Variants in CDH13 observed in about 807,000 individuals in gnomAD.
CDH13 encodes the protein cadherin-13.
In CDH13, 24 loss-of-function variants were observed where a neutral mutation model predicts 63.8. That is an observed-to-expected ratio of 0.38 (90% CI 0.27 to 0.53). The LOEUF is 0.53. CDH13 is among the 20% of genes least tolerant of loss of function. The probability of loss-of-function intolerance (pLI) is 0.85; values close to 1 mark genes in which losing one functional copy is unlikely to be tolerated. For synonymous variants in CDH13, 503 were observed against 355.3 expected (o/e 1.42, Z -4.67); for missense variants, 1,049 against 903.1 (o/e 1.16, Z -2.07).
chr16:83,216,832 A>G (rs2039549550), intron 4 of CDH13, among the ~76,000 whole-genome samples: 1 of 151,206 alleles, frequency 6.6e-6, no homozygotes, highest in South Asian at 2.1e-4. Context: ...ATATATGTAT[A>G]TGTATAAACC....
chr16:82,678,350 A>G (rs1407618507), intron 1 of CDH13, among the ~76,000 whole-genome samples: 2 of 149,712 alleles, frequency 1.3e-5, no homozygotes, highest in Admixed American at 6.7e-5. Flanking sequence ...TGAAAGCTCA[A>G]TTTTTACTAC....
intron 5 of CDH13, among the ~76,000 whole-genome samples, chr16:83,279,766 G>A (rs528452381): frequency 2.0e-5 from 3 of 152,026 alleles, no homozygotes; most frequent in Admixed American, 6.5e-5. Flanking sequence ...GATAATATAG[G>A]CGTAGCTCAG....
At chr16:83,778,758 C>T (rs951022127) in intron 11 of CDH13, among the ~76,000 whole-genome samples, 3 of 152,132 alleles carry the variant, frequency 2.0e-5, no homozygotes, top group East Asian at 1.9e-4. Flanking sequence ...TCTGTCCTGT[C>T]CAGCAGGGTC....
chr16:82,710,553 ATATAT>A (rs1205076151), intron 1 of CDH13, among the ~76,000 whole-genome samples: 1,341 of 46,652 alleles, frequency 0.029, 17 homozygotes, highest in Non-Finnish European at 0.036. Flanking sequence ...AAAAAAAAAA[ATATAT>A]ATATATATAT....
At chr16:83,517,603 G>T (rs898134758) in intron 7 of CDH13, among the ~76,000 whole-genome samples, 5 of 152,204 alleles carry the variant, frequency 3.3e-5, no homozygotes, top group Admixed American at 2.6e-4. Context: ...AAGGGAGGGT[G>T]AGAAATGTGA....
At chr16:83,468,900 T>C (rs575471124) in intron 6 of CDH13, among the ~76,000 whole-genome samples, 1 of 152,334 alleles carries the variant, frequency 6.6e-6, no homozygotes, top group African/African-American at 2.4e-5. Context: ...TAGCCCAGTG[T>C]AAACTTTGAT....
intron 7 of CDH13, among the ~76,000 whole-genome samples, chr16:83,558,975 C>G (rs1295441038): frequency 6.6e-6 from 1 of 151,906 alleles, no homozygotes; most frequent in Non-Finnish European, 1.5e-5. Context: ...GGACCACAGG[C>G]TCACCTCCCT....
chr16:82,950,400 A>G (rs1905170222), intron 2 of CDH13, among the ~76,000 whole-genome samples: 1 of 152,054 alleles, frequency 6.6e-6, no homozygotes, highest in Non-Finnish European at 1.5e-5. Context: ...TGTAGCTCCC[A>G]TAATTCCCAC....
At chr16:82,899,314 C>G (rs1252024094) in intron 2 of CDH13, among the ~76,000 whole-genome samples, 1 of 152,156 alleles carries the variant, frequency 6.6e-6, no homozygotes, top group Non-Finnish European at 1.5e-5. Context: ...AAGACAATTT[C>G]TTGGTGTTTA....
At chr16:83,081,089 C>G (rs2033220285) in intron 3 of CDH13, among the ~76,000 whole-genome samples, 2 of 151,866 alleles carry the variant, frequency 1.3e-5, no homozygotes, top group Non-Finnish European at 2.9e-5. Context: ...CCATGTTGGT[C>G]AGGCTGGTCT....
intron 2 of CDH13, among the ~76,000 whole-genome samples, chr16:83,027,316 G>C (rs67787339): frequency 0.13 from 20,136 of 152,166 alleles, 1,402 homozygotes; most frequent in African/African-American, 0.17. Flanking sequence ...AATATGGACA[G>C]ATTGATATAA....
intron 8 of CDH13, among the ~76,000 whole-genome samples, chr16:83,603,565 G>T (rs1908051142): frequency 6.6e-6 from 1 of 152,142 alleles, no homozygotes; most frequent in Non-Finnish European, 1.5e-5. Context: ...TAACTGTGAT[G>T]CTGTGCTTTC....
intron 5 of CDH13, among the ~76,000 whole-genome samples, chr16:83,238,665 T>C (rs889459768): frequency 6.6e-6 from 1 of 152,220 alleles, no homozygotes; most frequent in African/African-American, 2.4e-5. Flanking sequence ...GGGGAGATCC[T>C]GGTCTCTTTC....
chr16:83,253,252 T>C (rs1420361520), intron 5 of CDH13, among the ~76,000 whole-genome samples: 1 of 152,150 alleles, frequency 6.6e-6, no homozygotes, highest in African/African-American at 2.4e-5. Flanking sequence ...ATAAGACTTG[T>C]TTGTTGGGGG....
intron 2 of CDH13, among the ~76,000 whole-genome samples, chr16:82,892,948 C>T (rs977139456): frequency 2.0e-5 from 3 of 152,120 alleles, no homozygotes; most frequent in African/African-American, 7.2e-5. Context: ...CTCTCCAAGA[C>T]AAAGTTTGTA....
At chr16:82,835,100 G>A (rs1004037784) in intron 1 of CDH13, among the ~76,000 whole-genome samples, 15 of 152,212 alleles carry the variant, frequency 9.9e-5, no homozygotes, top group Non-Finnish European at 1.9e-4. Context: ...ATATATTCAA[G>A]TAGTATCCCT....
chr16:82,975,385 C>T lies in CDH13; in HGVS notation c.158-56625C>T, dbSNP rs545899732. ...GTGGCAGGCAGTGTGGGGTCACAGTCGTAGTCAGGCCTGGGTGTCAGTCAC... is the reference window on the plus strand; with the variant it reads ...GTGGCAGGCAGTGTGGGGTCACAGTTGTAGTCAGGCCTGGGTGTCAGTCAC... On this transcript the variant is annotated intron_variant, in intron 2 of 13. Transcript: ENST00000567109. Among the ~76,000 whole-genome samples, 22 of 152,266 alleles carry T rather than the reference C, an allele frequency of 1.4e-4. No individual in the cohort carries two copies. The South Asian group carries it at 4.4e-3, about 30-fold the overall frequency.
chr16:83,553,194 C>A lies in CDH13; in HGVS notation c.961-49260C>A, dbSNP rs140801598. ...TTCGGTGGAAACTCTAATGTAAGTTCGGAGCAGTCCTAACATTCCAAGAGT... is the reference window on the plus strand; with the variant it reads ...TTCGGTGGAAACTCTAATGTAAGTTAGGAGCAGTCCTAACATTCCAAGAGT... On this transcript the variant is annotated intron_variant, in intron 7 of 13. Coordinates refer to ENST00000567109, the MANE Select transcript of CDH13 (RefSeq NM_001257.5). 1.6e-4 allele frequency among the ~76,000 whole-genome samples: 24 copies of A among 152,114 alleles called. No homozygotes were observed. In the East Asian group the frequency reaches 4.6e-3, roughly 29 times the overall value.
chr16:83,365,649 A>G (rs2091245203), intron 6 of CDH13, among the ~76,000 whole-genome samples: 2 of 152,214 alleles, frequency 1.3e-5, no homozygotes, highest in Admixed American at 1.3e-4. Context: ...ACCCGGGATT[A>G]TCCAGGTGGA....
Sources: allele counts gnomAD v4.1 joint callset (sites outside exome capture counted in the v4.1 genomes callset), GRCh38; gene constraint gnomAD v4.1.1; transcripts MANE v1.5; gene names NCBI Gene and HGNC (gene_info 2026-07-23, HGNC 2026-07-21).